The following MIR2052HG variants were observed in gnomAD, a reference collection of about 807,000 sequenced individuals.
MIR2052HG encodes the protein MIR2052 host gene.
intron 2 of MIR2052HG, among the ~76,000 whole-genome samples, chr8:74,682,696 T>C (rs923686001): frequency 2.0e-5 from 3 of 152,140 alleles, no homozygotes; most frequent in African/African-American, 4.8e-5. Context: ...TGGGAAACTA[T>C]ATGGTGCAAC....
In MIR2052HG at chr8:74,672,082, A is replaced by G. The variant is rs1808999800; in HGVS notation, n.217-30297A>G. ...TGTAAATATCAAATTGCATTGGCAG[A>G]ATATGGCTACCCAGTAAAGATTAGT... is the stretch of plus-strand genomic sequence containing the variant. On this transcript the variant is annotated intron_variant and non_coding_transcript_variant, in intron 2 of 6. Coordinates refer to ENST00000523442, the Ensembl canonical transcript of MIR2052HG. Among the ~76,000 whole-genome samples the G allele has an allele frequency of 2.0e-5, 3 of 152,164 alleles. No individual in the cohort carries two copies. The South Asian group carries it at 6.2e-4, about 31-fold the overall frequency.
intron 1 of MIR2052HG, among the ~76,000 whole-genome samples, chr8:74,604,583 CTTTTTTTT>C (rs35641908): frequency 4.0e-5 from 2 of 50,008 alleles, no homozygotes; most frequent in African/African-American, 1.8e-4. Flanking sequence ...TGTTTCTTTA[CTTTTTTTT>C]TTTTTTTTTT....
chr8:74,604,131 C>T (rs1808071294), intron 1 of MIR2052HG: 4 of 892,530 alleles, frequency 4.5e-6, no homozygotes, highest in African/African-American at 1.6e-5. Context: ...CCTCGCGCAT[C>T]TTCTTAACTG....
intron 2 of MIR2052HG, among the ~76,000 whole-genome samples, chr8:74,657,130 A>G (rs1025015938): frequency 6.6e-6 from 1 of 152,128 alleles, no homozygotes; most frequent in Non-Finnish European, 1.5e-5. Context: ...TACCCTTTCT[A>G]TGCTGCTGCC....
intron 2 of MIR2052HG, among the ~76,000 whole-genome samples, chr8:74,659,213 A>G (rs929950901): frequency 6.6e-6 from 1 of 152,248 alleles, no homozygotes; most frequent in African/African-American, 2.4e-5. Context: ...AAGAAGACTC[A>G]ACGGGCTTCT....
chr8:74,673,396 C>T (rs1809014055), intron 2 of MIR2052HG, among the ~76,000 whole-genome samples: 1 of 152,004 alleles, frequency 6.6e-6, no homozygotes, highest in African/African-American at 2.4e-5. Context: ...ATTCTGACAC[C>T]CATCAGATAG....
chr8:74,756,594 T>TTC (rs768776634), intron 5 of MIR2052HG: 1 of 152,168 alleles, frequency 6.6e-6, no homozygotes, highest in Non-Finnish European at 1.5e-5. Context: ...AATGTAACAT[T>TTC]TATATGCCCC....
intron 2 of MIR2052HG, among the ~76,000 whole-genome samples, chr8:74,644,619 A>G (rs1808672588): frequency 6.6e-6 from 1 of 152,164 alleles, no homozygotes; most frequent in African/African-American, 2.4e-5. Context: ...CACCGGGCAC[A>G]GTGGCTCACG....
intron 4 of MIR2052HG, among the ~76,000 whole-genome samples, chr8:74,750,920 TGAA>T (rs1032444662): frequency 6.6e-6 from 1 of 152,194 alleles, no homozygotes; most frequent in African/African-American, 2.4e-5. Context: ...ATAGAGGGGA[TGAA>T]GGACAGATAA....
chr8:74,740,281 T>A (rs1809812594), intron 4 of MIR2052HG, among the ~76,000 whole-genome samples: 1 of 152,102 alleles, frequency 6.6e-6, no homozygotes, highest in Admixed American at 6.6e-5. Flanking sequence ...CTGGCCAACA[T>A]GGCAAAACCC....
intron 4 of MIR2052HG, among the ~76,000 whole-genome samples, chr8:74,708,736 TA>T (rs1487906964): frequency 6.6e-6 from 1 of 151,588 alleles, no homozygotes; most frequent in Non-Finnish European, 1.5e-5. Context: ...TCTGAAAATG[TA>T]AAATAAAATT....
At chr8:74,736,624 G>A (rs777543710) in intron 4 of MIR2052HG, among the ~76,000 whole-genome samples, 3 of 152,170 alleles carry the variant, frequency 2.0e-5, no homozygotes, top group Non-Finnish European at 4.4e-5. Flanking sequence ...TTGTCAAGAG[G>A]ACAATTGCCC....
intron 2 of MIR2052HG, among the ~76,000 whole-genome samples, chr8:74,677,287 G>A (rs1009167474): frequency 2.0e-5 from 3 of 151,778 alleles, no homozygotes; most frequent in African/African-American, 7.3e-5. Context: ...TCAGACAAAA[G>A]ACAGTAAATT....
intron 2 of MIR2052HG, among the ~76,000 whole-genome samples, chr8:74,620,220 A>G (rs1808342668): frequency 6.6e-6 from 1 of 152,192 alleles, no homozygotes; most frequent in Non-Finnish European, 1.5e-5. Flanking sequence ...TTCACAGGAT[A>G]CAACCCATCC....
intron 2 of MIR2052HG, among the ~76,000 whole-genome samples, chr8:74,623,065 A>G (rs946354843): frequency 2.6e-5 from 4 of 152,184 alleles, no homozygotes; most frequent in African/African-American, 9.7e-5. Context: ...AGTTCAAGAG[A>G]TCTGTTGTTC....
intron 2 of MIR2052HG, among the ~76,000 whole-genome samples, chr8:74,654,120 G>C (rs1357916956): frequency 1.3e-5 from 2 of 152,134 alleles, no homozygotes; most frequent in East Asian, 3.9e-4. Flanking sequence ...TGAGAGAATC[G>C]TATTTGGGGT....
chr8:74,601,856 G>A (rs1001100945), intron 1 of MIR2052HG, among the ~76,000 whole-genome samples: 10 of 152,164 alleles, frequency 6.6e-5, no homozygotes, highest in Admixed American at 3.3e-4. Context: ...TCATATTTAA[G>A]TGAATAAATC....
intron 2 of MIR2052HG, among the ~76,000 whole-genome samples, chr8:74,680,941 T>C (rs1163017419): frequency 6.6e-6 from 1 of 151,516 alleles, no homozygotes; most frequent in Non-Finnish European, 1.5e-5. Context: ...GAAATCATCA[T>C]TCTCAGTAAA....
intron 2 of MIR2052HG, among the ~76,000 whole-genome samples, chr8:74,649,108 A>T (rs988054260): frequency 6.6e-6 from 1 of 151,912 alleles, no homozygotes; most frequent in Admixed American, 6.6e-5. Flanking sequence ...TAGTAAACTG[A>T]TGTTTGTGGC....
Sources: gnomAD v4.1 joint callset for allele counts (sites outside exome capture counted in the v4.1 genomes callset) on GRCh38, gnomAD v4.1.1 for gene constraint, MANE v1.5 for transcripts, NCBI Gene and HGNC (gene_info 2026-07-23, HGNC 2026-07-21) for gene names.